Variants in PRTG observed in about 807,000 individuals in gnomAD.
The protein encoded by PRTG is protogenin.
A neutral mutation model predicts 122.5 loss-of-function variants in PRTG; 67 were observed. The observed-to-expected ratio is 0.55, with a 90% CI of 0.45 to 0.67. The LOEUF (loss-of-function observed/expected upper bound fraction) is 0.67. PRTG is among the 30% of genes least tolerant of loss of function. The pLI is 0.00. For synonymous variants in PRTG, 554 were observed against 501.1 expected (o/e 1.11, Z -1.41); for missense variants, 1,435 against 1,415.4 (o/e 1.01, Z -0.22).
At chr15:55,679,096 A>G (rs2059521429) in intron 7 of PRTG, among the ~76,000 whole-genome samples, 190 bp downstream of exon 7, 1 of 152,226 alleles carries the variant, frequency 6.6e-6, no homozygotes, top group Non-Finnish European at 1.5e-5. Context: ...TGTATAAAAT[A>G]CCAATGAGTA....
At position 55,647,980 on chromosome 15, in the gene PRTG, T is replaced by C. The variant is rs576993637; in HGVS notation, c.2042-6772A>G. On this transcript the variant is annotated intron_variant, in intron 11 of 19. Transcript: ENST00000389286. ...TGTGTTTGTGGCCACTAAGAATGCT[T>C]GCTGCTTTGGCAACCATGTCACATG... is the stretch of plus-strand genomic sequence containing the variant. 1.4e-4 allele frequency among the ~76,000 whole-genome samples: 21 copies of C among 152,308 alleles called. No individual in the cohort carries two copies. The South Asian group carries it at 4.3e-3, about 32-fold the overall frequency.
At chr15:55,716,280 G>T (rs564096490) in intron 2 of PRTG, among the ~76,000 whole-genome samples, 1 of 152,136 alleles carries the variant, frequency 6.6e-6, no homozygotes, top group Non-Finnish European at 1.5e-5. Context: ...ACAATCAACT[G>T]GTTCTCTAAA....
chr15:55,694,084 T>G (rs1444951530), intron 2 of PRTG, among the ~76,000 whole-genome samples: 3 of 152,180 alleles, frequency 2.0e-5, no homozygotes, highest in Non-Finnish European at 4.4e-5. Context: ...TGTGCAGAGA[T>G]AAATTATTTG....
chr15:55,682,357 G>T lies in PRTG; in HGVS notation c.676+7C>A. The T allele has an allele frequency of 6.3e-7, 1 of 1,585,074 alleles. No individual in the cohort carries two copies. Among genetic ancestry groups the T allele is most frequent in the African/African-American group, 1.4e-5 (1 of 73,768 alleles). On this transcript the variant is annotated splice_region_variant and intron_variant, in intron 4 of 19. Coordinates refer to ENST00000389286, the MANE Select transcript of PRTG (RefSeq NM_173814.6). ...CATAAAAATGGAAAAACCACTCTGC[G>T]TGGTACCTGGAATCACAGTTAGCGA... is the stretch of plus-strand genomic sequence containing the variant.
chr15:55,644,579 G>A (rs556956478), intron 11 of PRTG, among the ~76,000 whole-genome samples: 14 of 152,140 alleles, frequency 9.2e-5, no homozygotes, highest in East Asian at 7.7e-4. Context: ...TCAGAGAACC[G>A]AGTTGCTCCT....
rs2059145372 is a variant in PRTG, at chr15:55,617,209, G to A, written c.*2803C>T. The A allele has an allele frequency of 1.3e-5, 1 of 76,612 alleles. No homozygotes were observed. Among genetic ancestry groups the A allele is most frequent in the South Asian group, 6.8e-4 (1 of 1,474 alleles). The allele number at this position is 76,612 out of a possible 1,614,324, so 4.7% of individuals were successfully genotyped here. A position where few individuals can be genotyped will look rare whatever the true frequency, so the allele number is the denominator to read the frequency against. On this transcript the variant is annotated 3_prime_UTR_variant, in exon 20 of 20. Coordinates refer to ENST00000389286, the MANE Select transcript of PRTG (RefSeq NM_173814.6). ...AAATATCTTATTCAATGAGACCAAA[G>A]TATTTATTTTTGGTAAAAAAAAAAA...
Position 55,672,617 on chromosome 15 carries a change from C to T in PRTG, c.1869G>A (p.Glu623=), listed in dbSNP as rs747881003. Residue 623 remains glutamate, a synonymous_variant, in exon 11 of 20, where the codon GAG becomes GAA. Coordinates refer to ENST00000389286, the MANE Select transcript of PRTG (RefSeq NM_173814.6). The part of the protein sequence containing the change: ...ATSVKAPKSP[E]LHLEPLNCTT... ...TACAGTTCAGAGGCTCCAAATGCAA[C>T]TCTGGAGACTTAGGGGCTAGCAAAA... is the stretch of plus-strand genomic sequence containing the variant. The T allele has an allele frequency of 3.7e-6, 6 of 1,612,890 alleles. No individual in the cohort carries two copies. In the East Asian group the frequency reaches 1.3e-4, roughly 36 times the overall value.
chr15:55,671,278 G>A (rs770257326), intron 11 of PRTG, among the ~76,000 whole-genome samples: 7 of 152,166 alleles, frequency 4.6e-5, no homozygotes, highest in Admixed American at 1.3e-4. Context: ...CCTTCACAGG[G>A]CAGTCTGTGA....
intron 2 of PRTG, among the ~76,000 whole-genome samples, chr15:55,689,648 C>T (rs1042783711): frequency 7.0e-6 from 1 of 141,914 alleles, no homozygotes; most frequent in African/African-American, 2.6e-5. Flanking sequence ...AAAAAAAAGG[C>T]CAGGCGCAGT....
intron 2 of PRTG, among the ~76,000 whole-genome samples, chr15:55,685,390 T>C (rs2059564773): frequency 6.6e-6 from 1 of 152,186 alleles, no homozygotes. Flanking sequence ...AAATAATCCC[T>C]TATTTGTGTA....
intron 13 of PRTG, among the ~76,000 whole-genome samples, chr15:55,639,165 G>C (rs2059275330): frequency 6.6e-6 from 1 of 152,048 alleles, no homozygotes; most frequent in African/African-American, 2.4e-5. Context: ...TGGAGAGATG[G>C]GATCTGGCTA....
intron 11 of PRTG, among the ~76,000 whole-genome samples, chr15:55,660,732 C>T (rs2059405261): frequency 6.6e-6 from 1 of 151,788 alleles, no homozygotes; most frequent in Non-Finnish European, 1.5e-5. Context: ...GTTTTATTAG[C>T]ACATATAAAA....
intron 2 of PRTG, among the ~76,000 whole-genome samples, chr15:55,723,392 T>TAA (rs74974276): frequency 4.0e-4 from 42 of 103,976 alleles, no homozygotes; most frequent in Middle Eastern, 5.1e-3. Flanking sequence ...TATAATGATC[T>TAA]AAAAAAAAAA....
rs1383531588 is a variant in PRTG, at chr15:55,675,636, G to C, written c.1429C>G (p.His477Asp). 6.3e-7 allele frequency: 1 copy of C among 1,597,504 alleles called. No individual in the cohort carries two copies. Among genetic ancestry groups the C allele is most frequent in the East Asian group, 2.2e-5 (1 of 44,760 alleles). The change falls in exon 9 of 20, where the codon CAT (histidine) becomes GAT (aspartate). Residue 477 changes from histidine to aspartate, a missense_variant. By Grantham distance (81) the His-to-Asp change is moderately conservative. Transcript: ENST00000389286. ...YQVVIGNDTT[H>D]YIIDDLEPAS... Reference sequence around the variant, plus strand: ...GGCTCTAAGTCATCAATAATATAATGAGTTGTGTCATTTCCGATGACTACT... The same window carrying C: ...GGCTCTAAGTCATCAATAATATAATCAGTTGTGTCATTTCCGATGACTACT...
At chr15:55,676,095 T>C (rs1327991309) in intron 8 of PRTG, among the ~76,000 whole-genome samples, 2 of 152,126 alleles carry the variant, frequency 1.3e-5, no homozygotes, top group Non-Finnish European at 2.9e-5. Context: ...GGGAATGTAA[T>C]GGCTCCACTC....
At chr15:55,625,509 T>G (rs1023989161) in intron 17 of PRTG, among the ~76,000 whole-genome samples, 1 of 152,006 alleles carries the variant, frequency 6.6e-6, no homozygotes, top group African/African-American at 2.4e-5. Context: ...TGGAGTGCAG[T>G]GCTACGATCA....
At chr15:55,710,036 C>G (rs1157163910) in intron 2 of PRTG, among the ~76,000 whole-genome samples, 1 of 151,856 alleles carries the variant, frequency 6.6e-6, no homozygotes, top group African/African-American at 2.4e-5. Flanking sequence ...TGAAAAAAAA[C>G]CCGGCATATG....
intron 7 of PRTG, 66 bp downstream of exon 7, chr15:55,679,220 T>C (rs2059522553): frequency 9.6e-7 from 1 of 1,045,230 alleles, no homozygotes; most frequent in Non-Finnish European, 1.4e-6. Context: ...ATTATAACCA[T>C]TTCACATAAA....
chr15:55,680,135 G>C lies in PRTG; in HGVS notation c.892C>G (p.His298Asp). The C allele has an allele frequency of 6.2e-7, 1 of 1,612,842 alleles. No individual in the cohort carries two copies. Among genetic ancestry groups the C allele is most frequent in the Non-Finnish European group, 8.5e-7 (1 of 1,178,916 alleles). ...GCCCGACAAACATATACTCCAGCAT[G>C]TTGTAGCCTGACATCAGATATCATG... ...NLMISDVRLQ[H>D]AGVYVCRATT... The change falls in exon 6 of 20, where the codon CAT becomes GAT. Residue 298 changes from histidine to aspartate, a missense_variant. Physicochemically the swap from His to Asp is moderately conservative, Grantham distance 81. Transcript: ENST00000389286.
Sources: gnomAD v4.1 joint callset for allele counts (sites outside exome capture counted in the v4.1 genomes callset) on GRCh38, gnomAD v4.1.1 for gene constraint, MANE v1.5 for transcripts, NCBI Gene and HGNC (gene_info 2026-07-23, HGNC 2026-07-21) for gene names.